LRP1B: variants seen among roughly 807,000 people sequenced by gnomAD.
LRP1B encodes LDL receptor related protein 1B.
LRP1B carries 217 observed loss-of-function variants against 556.6 expected under a neutral mutation model. The ratio of observed to expected loss-of-function variants is 0.39; its 90% CI spans 0.35 to 0.44. The LOEUF is 0.44. Among genes scored for constraint, LRP1B ranks in the 20% least tolerant of loss-of-function variants. The pLI is 1.00. For missense variants in LRP1B, 5,053 were observed against 5,620.8 expected, an observed-to-expected ratio of 0.90 and a Z score of 3.23; for synonymous variants, 2,047 against 1,865.8, an observed-to-expected ratio of 1.10 and a Z score of -2.50.
intron 20 of LRP1B, among the ~76,000 whole-genome samples, chr2:140,939,907 A>C (rs1166420330): frequency 8.1e-6 from 1 of 122,886 alleles, no homozygotes; most frequent in Non-Finnish European, 1.7e-5. Flanking sequence ...TTTTTTTGAG[A>C]CAGTGTCTCA....
chr2:142,027,697 C>G (rs1449493), intron 1 of LRP1B, among the ~76,000 whole-genome samples: 2,950 of 146,358 alleles, frequency 0.02, 65 homozygotes, highest in African/African-American at 0.052. Flanking sequence ...CACACACACA[C>G]AGAGATAAAG....
At chr2:141,639,851 C>T (rs1418635805) in intron 2 of LRP1B, among the ~76,000 whole-genome samples, 1 of 152,004 alleles carries the variant, frequency 6.6e-6, no homozygotes, top group African/African-American at 2.4e-5. Context: ...TTCTGCAACC[C>T]CCACAACCTT....
At chr2:141,042,608 G>T (rs540030375) in intron 11 of LRP1B, among the ~76,000 whole-genome samples, 4 of 152,156 alleles carry the variant, frequency 2.6e-5, no homozygotes, top group Non-Finnish European at 4.4e-5. Context: ...TTTGAGAAAA[G>T]ACTTCACCTG....
intron 2 of LRP1B, among the ~76,000 whole-genome samples, chr2:141,754,379 T>C (rs1016015756): frequency 1.3e-5 from 2 of 152,186 alleles, no homozygotes; most frequent in African/African-American, 4.8e-5. Flanking sequence ...TGGAAATGCA[T>C]GGATTATTTT....
At chr2:141,334,488 T>G (rs114769975) in intron 3 of LRP1B, among the ~76,000 whole-genome samples, 5,157 of 152,358 alleles carry the variant, frequency 0.034, 143 homozygotes, top group Non-Finnish European at 0.047. Flanking sequence ...CTCTTTTCTT[T>G]ATAAATTATC....
chr2:141,141,886 C>T (rs1364242052), intron 7 of LRP1B, among the ~76,000 whole-genome samples: 2 of 151,932 alleles, frequency 1.3e-5, no homozygotes, highest in African/African-American at 4.8e-5. Flanking sequence ...TTCAGTAATG[C>T]AATAATTCAC....
At chr2:141,812,484 T>A (rs1307310858) in intron 1 of LRP1B, among the ~76,000 whole-genome samples, 2 of 152,054 alleles carry the variant, frequency 1.3e-5, no homozygotes, top group African/African-American at 4.8e-5. Flanking sequence ...ATCAAATTGT[T>A]ATGTGGAGAG....
intron 11 of LRP1B, among the ~76,000 whole-genome samples, chr2:141,038,458 T>C (rs1698602770): frequency 6.6e-6 from 1 of 152,126 alleles, no homozygotes; most frequent in African/African-American, 2.4e-5. Context: ...GATTACTGAG[T>C]ACATTTTAAA....
At chr2:140,241,469 A>G (rs115792017) in intron 87 of LRP1B, among the ~76,000 whole-genome samples, 1 of 150,768 alleles carries the variant, frequency 6.6e-6, no homozygotes, top group Non-Finnish European at 1.5e-5. Context: ...ATCATTTTTT[A>G]AAAATAGATT....
chr2:140,859,241 A>C (rs1318925017), intron 27 of LRP1B, among the ~76,000 whole-genome samples: 2 of 152,198 alleles, frequency 1.3e-5, no homozygotes, highest in Non-Finnish European at 2.9e-5. Flanking sequence ...AAAAAGAAAA[A>C]AAAAACCTTT....
chr2:142,005,122 A>C (rs1313543025), intron 1 of LRP1B, among the ~76,000 whole-genome samples: 1 of 148,744 alleles, frequency 6.7e-6, no homozygotes, highest in Non-Finnish European at 1.5e-5. Context: ...TACTATATAT[A>C]ACTATATAGT....
chr2:141,206,213 C>A (rs1021290831), intron 6 of LRP1B, among the ~76,000 whole-genome samples: 1 of 151,816 alleles, frequency 6.6e-6, no homozygotes, highest in African/African-American at 2.4e-5. Context: ...TCCCAAAAGA[C>A]GACAAAACAT....
chr2:140,999,969 T>C (rs932034982), intron 15 of LRP1B, among the ~76,000 whole-genome samples: 1 of 152,030 alleles, frequency 6.6e-6, no homozygotes, highest in South Asian at 2.1e-4. Context: ...TGGAGAGCAG[T>C]GGCACATACA....
chr2:141,417,656 T>C (rs1022289418), intron 3 of LRP1B, among the ~76,000 whole-genome samples: 3 of 152,192 alleles, frequency 2.0e-5, no homozygotes, highest in African/African-American at 7.2e-5. Flanking sequence ...CTCTTGGTTA[T>C]GCTGCAGTGA....
intron 1 of LRP1B, among the ~76,000 whole-genome samples, chr2:142,033,389 G>A (rs752606245): frequency 3.8e-4 from 58 of 151,140 alleles, no homozygotes; most frequent in Non-Finnish European, 7.2e-4. Flanking sequence ...TAATTTTCTC[G>A]ATGGACATTT....
intron 86 of LRP1B, among the ~76,000 whole-genome samples, chr2:140,261,057 G>GTGTATA (rs1553483661): frequency 2.7e-5 from 4 of 149,494 alleles, no homozygotes; most frequent in African/African-American, 9.8e-5. Context: ...ATATGTGTGT[G>GTGTATA]TATATATATA....
chr2:140,716,671 A>G lies in LRP1B; in HGVS notation c.5893+11T>C, dbSNP rs764855486. 4.4e-6 allele frequency: 7 copies of G among 1,596,064 alleles called. No individual in the cohort carries two copies. The highest frequency in any genetic ancestry group is 6.0e-6 in the Non-Finnish European group (7 of 1,173,192). On this transcript the variant is annotated intron_variant, in intron 36 of 90. Coordinates refer to ENST00000389484, the MANE Select transcript of LRP1B (RefSeq NM_018557.3). ...GTGTGAAACAGAAAGATAAAAAGCC[A>G]TGGATTATACCAGCAATCCAGTCAA...
At chr2:140,447,756 G>T (rs542454027) in intron 63 of LRP1B, among the ~76,000 whole-genome samples, 4 of 152,074 alleles carry the variant, frequency 2.6e-5, no homozygotes, top group Admixed American at 6.6e-5. Flanking sequence ...TTCTCACTAA[G>T]CTTAATAATT....
At chr2:140,438,786 T>G (rs1307141754) in intron 66 of LRP1B, among the ~76,000 whole-genome samples, 1 of 152,146 alleles carries the variant, frequency 6.6e-6, no homozygotes, top group East Asian at 1.9e-4. Context: ...GGCAAGAATC[T>G]TTTTGATAAC....
Sources: gnomAD v4.1 joint callset for allele counts (sites outside exome capture counted in the v4.1 genomes callset) on GRCh38, gnomAD v4.1.1 for gene constraint, MANE v1.5 for transcripts, NCBI Gene and HGNC (gene_info 2026-07-23, HGNC 2026-07-21) for gene names.